SPATA21: variants seen among roughly 807,000 people sequenced by gnomAD.
The protein encoded by SPATA21 is spermatogenesis-associated protein 21.
A neutral mutation model predicts 54.8 loss-of-function variants in SPATA21; 47 were observed. The observed-to-expected ratio is 0.86, with a 90% CI of 0.68 to 1.09. The LOEUF is 1.09. SPATA21 is among the 50% of genes least tolerant of loss of function. The pLI is 0.00. For missense variants in SPATA21, 599 were observed against 596.4 expected, an observed-to-expected ratio of 1.00 and a Z score of -0.05; for synonymous variants, 245 against 235.3, an observed-to-expected ratio of 1.04 and a Z score of -0.38.
intron 2 of SPATA21, among the ~76,000 whole-genome samples, chr1:16,432,114 C>CTTT (rs35240103): frequency 2.6e-4 from 34 of 133,096 alleles, no homozygotes; most frequent in African/African-American, 2.5e-4. Context: ...TCTTCTTCTT[C>CTTT]TTTTTTTTTT....
chr1:16,421,462 C>A lies in SPATA21; in HGVS notation c.144+47G>T. On this transcript the variant is annotated intron_variant, in intron 5 of 12. Transcript: ENST00000335496. The surrounding 1 kb of genome is among the most constrained non-coding windows in gnomAD (Gnocchi z 5.2). ...TCTTCCTCCTCCTGATCCCCCCTGC[C>A]TTTCTCCTACACAGCTCGTCCCCGT... 1 of 1,568,224 alleles carries A rather than the reference C, an allele frequency of 6.4e-7. No individual in the cohort carries two copies.
At chr1:16,414,447 T>A (rs2085941050) in intron 5 of SPATA21, among the ~76,000 whole-genome samples, 1 of 152,102 alleles carries the variant, frequency 6.6e-6, no homozygotes. Flanking sequence ...CACCATGAAA[T>A]CCCCAGTTTC....
chr1:16,409,326 G>A lies in SPATA21; in HGVS notation c.588-123C>T, dbSNP rs970780851. 2 of 1,028,158 alleles carry A rather than the reference G, an allele frequency of 1.9e-6. No homozygotes were observed. The highest frequency in any genetic ancestry group is 1.6e-5 in the African/African-American group (1 of 62,424). The allele number at this position is 1,028,158 out of a possible 1,614,324, so 63.7% of individuals were successfully genotyped here. ...GGGGAGGCTTTGGGGAGCCCGGAGA[G>A]ATCAAGAATGGCAGGAAAAAGGAGA... On this transcript the variant is annotated intron_variant, in intron 6 of 12. Coordinates refer to ENST00000335496, the MANE Select transcript of SPATA21 (RefSeq NM_198546.1). The surrounding 1 kb of genome is among the most constrained non-coding windows in gnomAD (Gnocchi z 4.1).
In SPATA21 at chr1:16,431,381, G is replaced by A. The variant is rs764061018; in HGVS notation, c.-10C>T. 5.6e-6 allele frequency: 9 copies of A among 1,613,904 alleles called. No individual in the cohort carries two copies. The highest frequency in any genetic ancestry group is 1.3e-5 in the African/African-American group (1 of 75,012). On this transcript the variant is annotated 5_prime_UTR_variant, in exon 3 of 13. Coordinates refer to ENST00000335496, the MANE Select transcript of SPATA21 (RefSeq NM_198546.1). The stretch of plus-strand genomic sequence containing the variant: ...TGTTTCTATTGTCCATGATGCCAGC[G>A]CCAACACGGGTGCCAAGTGAGGGGC...
At chr1:16,422,509 A>AT (rs112533132) in intron 3 of SPATA21, among the ~76,000 whole-genome samples, 17,158 of 142,782 alleles carry the variant, frequency 0.12, 1,304 homozygotes, top group East Asian at 0.18. Context: ...GTGTGTGTGT[A>AT]TTTTTTTTTT....
chr1:16,409,087 G>A lies in SPATA21; in HGVS notation c.673+31C>T, dbSNP rs369179159. On this transcript the variant is annotated intron_variant, in intron 7 of 12. Coordinates refer to ENST00000335496, the MANE Select transcript of SPATA21 (RefSeq NM_198546.1). This position sits in a 1 kb window ranked among gnomAD's most constrained non-coding sequence, Gnocchi z 4.1. Reference sequence around the variant, plus strand: ...CCCAAGGACCAAGGGTCCTGCCTGTGCTGGGACCTCCCTGACCTCCCTGCC... The same window carrying A: ...CCCAAGGACCAAGGGTCCTGCCTGTACTGGGACCTCCCTGACCTCCCTGCC... 3 of 1,611,526 alleles carry A rather than the reference G, an allele frequency of 1.9e-6. No individual in the cohort carries two copies. Among genetic ancestry groups the A allele is most frequent in the African/African-American group, 2.7e-5 (2 of 74,872 alleles).
intron 3 of SPATA21, among the ~76,000 whole-genome samples, chr1:16,422,718 G>A (rs2086207106): frequency 6.6e-6 from 1 of 151,994 alleles, no homozygotes; most frequent in South Asian, 2.1e-4. Context: ...ATGTTGCTCA[G>A]GCTGGTCTTG....
intron 1 of SPATA21, among the ~76,000 whole-genome samples, chr1:16,435,622 C>CCTT (rs753548258): frequency 6.9e-6 from 1 of 144,730 alleles, no homozygotes; most frequent in Non-Finnish European, 1.5e-5. Context: ...CGGCCCCCCC[C>CCTT]TTTTTTTTTT....
At chr1:16,397,408 A>G (rs910276294), downstream of SPATA21, 1 of 152,160 alleles carries the variant, frequency 6.6e-6, no homozygotes, top group African/African-American at 2.4e-5. This position sits in a 1 kb window ranked among gnomAD's most constrained non-coding sequence, Gnocchi z 5.4. Context: ...AACGGTTTGG[A>G]TTTTGTGTGT....
chr1:16,413,269 T>C (rs2085905624), intron 5 of SPATA21, among the ~76,000 whole-genome samples: 1 of 152,234 alleles, frequency 6.6e-6, no homozygotes, highest in Non-Finnish European at 1.5e-5. Context: ...GCAGAATTGC[T>C]TTGTCTTTTT....
At chr1:16,399,654 T>TA in intron 11 of SPATA21, 133 bp from the exon 12 acceptor site, 1 of 1,006,998 alleles carries the variant, frequency 9.9e-7, no homozygotes, top group Non-Finnish European at 1.4e-6. Flanking sequence ...TTAACCTCTC[T>TA]AAGCTTCTGA....
At chr1:16,400,468 C>G (rs955940596) in intron 11 of SPATA21, 2 of 1,238,522 alleles carry the variant, frequency 1.6e-6, no homozygotes, top group Admixed American at 3.8e-5. Context: ...TCAGTCCTGG[C>G]TCATGGGACC....
At chr1:16,405,511 A>ATC (rs71003280) in intron 7 of SPATA21, among the ~76,000 whole-genome samples, 1 of 147,368 alleles carries the variant, frequency 6.8e-6, no homozygotes, top group Admixed American at 6.8e-5. Context: ...AAAAAAAAAA[A>ATC]AAAACTGGGC....
chr1:16,410,788 C>T, intron 5 of SPATA21: 2 of 381,016 alleles, frequency 5.2e-6, no homozygotes, highest in Non-Finnish European at 1.1e-5. Flanking sequence ...CTCAAGTGAT[C>T]CTCCGCCTTG....
At chr1:16,424,239 G>A (rs1438693238) in intron 3 of SPATA21, among the ~76,000 whole-genome samples, 7 of 1,182 alleles carry the variant, frequency 5.9e-3, no homozygotes, top group Non-Finnish European at 8.1e-3. Flanking sequence ...CATGAACCTG[G>A]GAGGCAGAGC....
intron 1 of SPATA21, 91 bp downstream of exon 1, chr1:16,437,037 C>T (rs2100925171): frequency 6.6e-6 from 1 of 152,176 alleles, no homozygotes; most frequent in East Asian, 1.9e-4. Context: ...GAAAATACAG[C>T]AGATAAAGAT....
intron 7 of SPATA21, chr1:16,408,503 G>T (rs1313385673): frequency 2.0e-6 from 2 of 985,430 alleles, no homozygotes; most frequent in African/African-American, 1.7e-5. Flanking sequence ...AAAACCTAAA[G>T]CACTGTGCAG....
At chr1:16,406,310 T>A (rs537318263) in intron 7 of SPATA21, among the ~76,000 whole-genome samples, 13 of 152,282 alleles carry the variant, frequency 8.5e-5, no homozygotes, top group African/African-American at 2.9e-4. Context: ...ATGAGCCGGA[T>A]TGCTCTTATG....
Position 16,409,318 on chromosome 1 carries a change from C to A in SPATA21, c.588-115G>T, listed in dbSNP as rs577750088. On this transcript the variant is annotated intron_variant, in intron 6 of 12. Coordinates refer to ENST00000335496, the MANE Select transcript of SPATA21 (RefSeq NM_198546.1). This position sits in a 1 kb window ranked among gnomAD's most constrained non-coding sequence, Gnocchi z 4.1. The stretch of plus-strand genomic sequence containing the variant: ...AGGTCGTGGGGGAGGCTTTGGGGAG[C>A]CCGGAGAGATCAAGAATGGCAGGAA... The A allele has an allele frequency of 3.3e-5, 37 of 1,118,084 alleles. No individual in the cohort carries two copies. The African/African-American group carries it at 4.4e-4, about 13-fold the overall frequency. 69.3% of individuals were successfully genotyped at this position (1,118,084 alleles called of 1,614,324 possible). A position where few individuals can be genotyped will look rare whatever the true frequency, so the allele number is the denominator to read the frequency against.
Sources: gnomAD v4.1 joint callset for allele counts (sites outside exome capture counted in the v4.1 genomes callset) on GRCh38, gnomAD v4.1.1 for gene constraint, Gnocchi (gnomAD v3.1) non-coding constraint, MANE v1.5 for transcripts, NCBI Gene and HGNC (gene_info 2026-07-23, HGNC 2026-07-21) for gene names.